The following USP24 variants were observed in gnomAD, a reference collection of about 807,000 sequenced individuals.
USP24 encodes ubiquitin specific peptidase 24, also known as ubiquitin carboxyl-terminal hydrolase 24.
Under a neutral mutation model 361.6 loss-of-function variants are expected in USP24, and 97 were observed. That is an observed-to-expected ratio of 0.27 (90% CI 0.23 to 0.32). The LOEUF (loss-of-function observed/expected upper bound fraction) is 0.32, where lower values mean the gene tolerates loss of function less well. Ranked by LOEUF, USP24 falls within the 10% of genes least tolerant of loss-of-function variation. USP24 has a pLI of 1.00. For synonymous variants in USP24, 1,098 were observed against 1,124.6 expected, an observed-to-expected ratio of 0.98 and a Z score of 0.47; for missense variants, 2,353 against 3,165.6, an observed-to-expected ratio of 0.74 and a Z score of 6.16.
intron 67 of USP24, chr1:55,071,203 G>A (rs936952200): frequency 5.1e-6 from 5 of 987,062 alleles, no homozygotes; most frequent in Non-Finnish European, 6.0e-6. Context: ...AGGGACCACA[G>A]AGGAGACTGC....
rs542758879 is a variant in USP24, at chr1:55,085,039, C to T, written c.6765+903G>A. On this transcript the variant is annotated intron_variant, in intron 56 of 67. Coordinates refer to ENST00000294383, the MANE Select transcript of USP24 (RefSeq NM_015306.3). Reference sequence around the variant, plus strand: ...ATGGAGCAATGGCATTTGAACTGTCCTCAGCTGCTCCTGTGGCTTGTATTC... The same window carrying T: ...ATGGAGCAATGGCATTTGAACTGTCTTCAGCTGCTCCTGTGGCTTGTATTC... 2.0e-5 allele frequency among the ~76,000 whole-genome samples: 3 copies of T among 152,212 alleles called. No homozygotes were observed. The South Asian group carries it at 6.2e-4, about 32-fold the overall frequency.
At chr1:55,082,432 G>A (rs1279056901) in intron 58 of USP24, among the ~76,000 whole-genome samples, 1 of 152,148 alleles carries the variant, frequency 6.6e-6, no homozygotes, top group Non-Finnish European at 1.5e-5. Context: ...CATGTATTTT[G>A]AATCTATCAA....
rs1647439598 is a variant in USP24 at position 55,154,682 on chromosome 1, GAACA to G, written c.1539_1542del (p.Val514SerfsTer13). 4 of 1,612,764 alleles carry G rather than the reference GAACA, an allele frequency of 2.5e-6. No individual in the cohort carries two copies. Among genetic ancestry groups the G allele is most frequent in the Admixed American group, 1.7e-5 (1 of 59,860 alleles). The stretch of plus-strand genomic sequence containing the variant: ...GACTGAACACGTACCTTCTGAATGA[GAACA>G]AACAAATGATTAAGCTGATCTGAAT... On this transcript the variant is annotated frameshift_variant, in exon 13 of 68. Transcript: ENST00000294383. LOFTEE classifies it high-confidence loss of function.
intron 3 of USP24, among the ~76,000 whole-genome samples, chr1:55,173,688 T>G (rs1649674625): frequency 6.6e-6 from 1 of 152,130 alleles, no homozygotes; most frequent in Non-Finnish European, 1.5e-5. Context: ...AAAACCTCGG[T>G]TCCAGATTTT....
rs982880427 is a variant in USP24, at chr1:55,073,506, G to A, written c.7526+322C>T. ...TAGAGCCTGAAGAGCTGGTAGCTGG[G>A]TTACATTAATGAGAAACCTTGAGTG... On this transcript the variant is annotated intron_variant, in intron 64 of 67. Transcript: ENST00000294383. 2.6e-5 allele frequency among the ~76,000 whole-genome samples: 4 copies of A among 152,174 alleles called. No homozygotes were observed. In the South Asian group the frequency reaches 8.3e-4, roughly 31 times the overall value.
chr1:55,147,410 C>T (rs896207686), intron 18 of USP24, among the ~76,000 whole-genome samples: 2 of 151,738 alleles, frequency 1.3e-5, no homozygotes, highest in African/African-American at 4.8e-5. Context: ...AAAACAAAAC[C>T]CATTATCCAC....
intron 38 of USP24, among the ~76,000 whole-genome samples, chr1:55,112,124 C>T (rs2100556796): frequency 6.6e-6 from 1 of 152,116 alleles, no homozygotes; most frequent in Admixed American, 6.5e-5. Context: ...AAAAATACAA[C>T]TTGCCAAAAA....
intron 63 of USP24, 40 bp from the exon 64 acceptor site, chr1:55,073,946 C>T (rs1354542546): frequency 6.6e-7 from 1 of 1,515,194 alleles, no homozygotes; most frequent in Admixed American, 2.0e-5. Flanking sequence ...ATAAAAGACT[C>T]AACTGAAAAT....
chr1:55,191,224 T>G (rs990587829), intron 1 of USP24, among the ~76,000 whole-genome samples: 3 of 152,210 alleles, frequency 2.0e-5, no homozygotes, highest in African/African-American at 7.2e-5. Flanking sequence ...GATTTCTAAT[T>G]GGTCAGTTTA....
chr1:55,211,159 A>G (rs367632143), intron 1 of USP24, among the ~76,000 whole-genome samples: 1 of 152,212 alleles, frequency 6.6e-6, no homozygotes, highest in East Asian at 1.9e-4. Context: ...GGCAGGCCAG[A>G]GTTTACATTA....
At chr1:55,082,553 G>A (rs747729362) in intron 58 of USP24, among the ~76,000 whole-genome samples, 1 of 152,174 alleles carries the variant, frequency 6.6e-6, no homozygotes, top group African/African-American at 2.4e-5. Flanking sequence ...TCGGTAAGCC[G>A]AGGTGGGCAG....
chr1:55,090,553 C>G (rs1645351066), intron 54 of USP24, among the ~76,000 whole-genome samples: 1 of 152,158 alleles, frequency 6.6e-6, no homozygotes, highest in Non-Finnish European at 1.5e-5. Context: ...ACTGCAAAAT[C>G]TGTCCAAAAA....
intron 1 of USP24, among the ~76,000 whole-genome samples, chr1:55,181,049 G>C (rs1643952145): frequency 6.8e-6 from 1 of 147,222 alleles, no homozygotes; most frequent in Non-Finnish European, 1.5e-5. Context: ...ACACTAGTTT[G>C]TATTTTTTTT....
At chr1:55,164,318 A>T (rs1160350093) in intron 7 of USP24, among the ~76,000 whole-genome samples, 5 of 152,064 alleles carry the variant, frequency 3.3e-5, no homozygotes, top group Non-Finnish European at 5.9e-5. Context: ...ACCGTTACCT[A>T]GGTATGTGTG....
chr1:55,206,707 T>G (rs1644715898), intron 1 of USP24, among the ~76,000 whole-genome samples: 1 of 139,482 alleles, frequency 7.2e-6, no homozygotes. Flanking sequence ...ACCAGAGTAG[T>G]AACAGTGAGG....
intron 1 of USP24, among the ~76,000 whole-genome samples, chr1:55,192,147 T>C (rs992395128): frequency 1.7e-5 from 2 of 115,150 alleles, no homozygotes; most frequent in African/African-American, 5.2e-5. Flanking sequence ...AATAAGAGAG[T>C]TTAATATTTA....
At chr1:55,120,852 C>A in intron 37 of USP24, 96 bp from the exon 38 acceptor site, 1 of 1,384,108 alleles carries the variant, frequency 7.2e-7, no homozygotes, top group Non-Finnish European at 9.5e-7. Context: ...CCTATTTAGT[C>A]AATCAAGTTA....
At position 55,106,163 on chromosome 1, in the gene USP24, T is replaced by C; in HGVS notation, c.4863A>G (p.Gln1621=). 6.2e-7 allele frequency: 1 copy of C among 1,613,580 alleles called. No homozygotes were observed. Among genetic ancestry groups the C allele is most frequent in the South Asian group, 1.1e-5 (1 of 91,056 alleles). The part of the protein sequence containing the change: ...HSPAGSAAIS[Q]QDFHPKCSTA... ...TTCCATACTTTGGATGAAAGTCCTGTTGACTGATGGCGGCACTGCCAGCTG... is the reference window on the plus strand; with the variant it reads ...TTCCATACTTTGGATGAAAGTCCTGCTGACTGATGGCGGCACTGCCAGCTG... The change falls in exon 41 of 68, where the codon CAA becomes CAG. Residue 1621 remains glutamine (Q), a synonymous_variant. Coordinates refer to ENST00000294383, the MANE Select transcript of USP24 (RefSeq NM_015306.3).
At chr1:55,212,288 G>A (rs1644864067) in intron 1 of USP24, among the ~76,000 whole-genome samples, 1 of 152,148 alleles carries the variant, frequency 6.6e-6, no homozygotes, top group African/African-American at 2.4e-5. Flanking sequence ...CTTAAAATAT[G>A]TCTTTCCCTC....
Sources: allele counts gnomAD v4.1 joint callset (sites outside exome capture counted in the v4.1 genomes callset), GRCh38; gene constraint gnomAD v4.1.1; transcripts MANE v1.5; gene names NCBI Gene and HGNC (gene_info 2026-07-23, HGNC 2026-07-21).